Variants in ETV3L observed in about 807,000 individuals in gnomAD.
ETV3L encodes ETS variant transcription factor 3 like.
Under a neutral mutation model 27.6 loss-of-function variants are expected in ETV3L, and 30 were observed. That is an observed-to-expected ratio of 1.09 (90% confidence interval 0.81 to 1.48). The LOEUF is 1.48. ETV3L is among the 40% of genes most tolerant of loss of function. The pLI, the probability that ETV3L is intolerant of heterozygous loss-of-function variation, is 0.00. For synonymous variants in ETV3L, 186 were observed against 188.9 expected (o/e 0.98, Z 0.12); for missense variants, 443 against 455.6 (o/e 0.97, Z 0.25).
At position 157,099,793 on chromosome 1, in the gene ETV3L, C is replaced by T. The variant is rs1674307600; in HGVS notation, c.-270G>A. The T allele has an allele frequency of 3.5e-6, 2 of 578,094 alleles. No individual in the cohort carries two copies. 35.8% of individuals were successfully genotyped at this position (578,094 alleles called of 1,614,324 possible). ...CCCCTCTGGGGACCTCCCCGCTGCC[C>T]AGGGCTGACTCGGACTCAGGGCTTC... On this transcript the variant is annotated 5_prime_UTR_variant, in exon 1 of 5. Transcript: ENST00000454449.
At position 157,092,910 on chromosome 1, in the gene ETV3L, C is replaced by T; in HGVS notation, c.825G>A (p.Arg275=). ...FKPDILLPGP[R]SLPGAWHFPG... ...GAAAATGCCAGGCCCCTGGGAGGCTCCTAGGTCCTGGGAGCAGGATGTCTG... is the reference window on the plus strand; with the variant it reads ...GAAAATGCCAGGCCCCTGGGAGGCTTCTAGGTCCTGGGAGCAGGATGTCTG... The change falls in exon 5 of 5, where the codon AGG becomes AGA. Residue 275 remains arginine, a synonymous_variant. Coordinates refer to ENST00000454449, the MANE Select transcript of ETV3L (RefSeq NM_001004341.2). The T allele has an allele frequency of 6.8e-6, 11 of 1,614,072 alleles. No individual in the cohort carries two copies. The highest frequency in any genetic ancestry group is 9.3e-6 in the Non-Finnish European group (11 of 1,179,958).
Position 157,099,237 on chromosome 1 carries a change from T to C in ETV3L, c.200A>G (p.Glu67Gly). 1 of 1,613,768 alleles carries C rather than the reference T, an allele frequency of 6.2e-7. No individual in the cohort carries two copies. The highest frequency in any genetic ancestry group is 8.5e-7 in the Non-Finnish European group (1 of 1,179,968). ...CTCATCTGGATCCTTGATGACAAAT[T>C]CCCCGTACTCTCCCTGCTGCCAGGC... is the stretch of plus-strand genomic sequence containing the variant. ...VIAWQQGEYG[E>G]FVIKDPDEVA... Residue 67 changes from glutamate (E) to glycine (G), a missense_variant, in exon 2 of 5, where the codon GAA becomes GGA. Transcript: ENST00000454449.
At chr1:157,096,846 G>A (rs182194385) in intron 4 of ETV3L, among the ~76,000 whole-genome samples, 1 of 152,326 alleles carries the variant, frequency 6.6e-6, no homozygotes, top group Admixed American at 6.5e-5. Flanking sequence ...TTGAACCCAG[G>A]AGACGGAGGT....
Position 157,094,911 on chromosome 1 carries a change from C to T in ETV3L, c.608-1784G>A, listed in dbSNP as rs1426964944. 1.0e-3 allele frequency among the ~76,000 whole-genome samples: 19 copies of T among 19,016 alleles called. 1 individual carries two copies. The highest frequency in any genetic ancestry group is 2.8e-3 in the African/African-American group (19 of 6,836). The allele number at this position is 19,016 out of a possible 152,430, so 12.5% of individuals were successfully genotyped here. ...CTGGGCAACAAAAGTGAAACTCTGTCTCAAAAAAAAAAAAAAAAAAAAACC... is the reference window on the plus strand; with the variant it reads ...CTGGGCAACAAAAGTGAAACTCTGTTTCAAAAAAAAAAAAAAAAAAAAACC... On this transcript the variant is annotated intron_variant, in intron 4 of 4. Coordinates refer to ENST00000454449, the MANE Select transcript of ETV3L (RefSeq NM_001004341.2).
In ETV3L at chr1:157,092,586, G is replaced by A. The variant is rs139917761; in HGVS notation, c.*63C>T. 2,421 of 1,392,580 alleles carry A rather than the reference G, an allele frequency of 1.7e-3. 36 individuals carry two copies. In the African/African-American group the frequency reaches 0.03, roughly 17 times the overall value. The allele number at this position is 1,392,580 out of a possible 1,614,324, so 86.3% of individuals were successfully genotyped here. On this transcript the variant is annotated 3_prime_UTR_variant, in exon 5 of 5. Coordinates refer to ENST00000454449, the MANE Select transcript of ETV3L (RefSeq NM_001004341.2). The stretch of plus-strand genomic sequence containing the variant: ...CAGGGGAAGGGGCTAACCCAGAGGC[G>A]GTGGGCAAGAGGAGAGATGGACTTT...
chr1:157,093,306 G>T (rs1674159086), intron 4 of ETV3L, among the ~76,000 whole-genome samples, 179 bp from the exon 5 acceptor site: 2 of 151,868 alleles, frequency 1.3e-5, no homozygotes, highest in Non-Finnish European at 2.9e-5. Flanking sequence ...CACCCAGGCT[G>T]CAGTGTAGGC....
At chr1:157,095,971 A>T (rs1165732354) in intron 4 of ETV3L, among the ~76,000 whole-genome samples, 1 of 152,194 alleles carries the variant, frequency 6.6e-6, no homozygotes, top group African/African-American at 2.4e-5. Flanking sequence ...CCCAGCTCAC[A>T]GCCTCTGTAA....
intron 4 of ETV3L, among the ~76,000 whole-genome samples, chr1:157,095,184 A>G (rs1422791623): frequency 6.6e-6 from 1 of 151,978 alleles, no homozygotes; most frequent in African/African-American, 2.4e-5. Context: ...TGGAAGAGAT[A>G]TTTTTATTTC....
rs770776463 is a variant in ETV3L at position 157,099,390 on chromosome 1, G to C, written c.59-12C>G. 7 of 1,613,966 alleles carry C rather than the reference G, an allele frequency of 4.3e-6. No homozygotes were observed. The highest frequency in any genetic ancestry group is 2.2e-5 in the East Asian group (1 of 44,874). On this transcript the variant is annotated splice_polypyrimidine_tract_variant and intron_variant, in intron 1 of 4. Transcript: ENST00000454449. ...AGGGAAGGCCAACCCTGGGTGGAGA[G>C]GGGAGAGTGAGGGCTCTGGAGGCCC... is the stretch of plus-strand genomic sequence containing the variant.
chr1:157,096,046 C>T (rs1298653545), intron 4 of ETV3L, among the ~76,000 whole-genome samples: 3 of 152,194 alleles, frequency 2.0e-5, no homozygotes, highest in African/African-American at 4.8e-5. Context: ...TCTGCACTGG[C>T]CTTCTCCCAG....
chr1:157,094,410 T>C (rs1301621474), intron 4 of ETV3L, among the ~76,000 whole-genome samples: 1 of 152,244 alleles, frequency 6.6e-6, no homozygotes, highest in Non-Finnish European at 1.5e-5. Context: ...TAATCCTGCC[T>C]CTTTCCCTCT....
chr1:157,098,371 C>T (rs554353117), intron 3 of ETV3L, among the ~76,000 whole-genome samples: 2 of 152,242 alleles, frequency 1.3e-5, no homozygotes, highest in East Asian at 3.9e-4. Flanking sequence ...GCTGGGATTA[C>T]AGGTGTGAGC....
At chr1:157,099,002 C>G in intron 2 of ETV3L, 107 bp from the exon 3 acceptor site, 1 of 1,486,100 alleles carries the variant, frequency 6.7e-7, no homozygotes, top group Non-Finnish European at 9.2e-7. Flanking sequence ...AGCTGTTCCC[C>G]GAGAACCACT....
intron 3 of ETV3L, among the ~76,000 whole-genome samples, chr1:157,098,206 C>T (rs1674270669): frequency 1.3e-5 from 2 of 152,058 alleles, no homozygotes; most frequent in South Asian, 4.1e-4. Flanking sequence ...AAGCGATTCT[C>T]CTGCCTCAGC....
Position 157,097,915 on chromosome 1 carries a change from G to T in ETV3L, c.560C>A (p.Pro187Gln). The change falls in exon 4 of 5, where the codon CCA becomes CAA. Residue 187 changes from proline (P) to glutamine (Q), a missense_variant. Physicochemically the swap from Pro to Gln is moderately conservative, Grantham distance 76 (BLOSUM62 -1). Coordinates refer to ENST00000454449, the MANE Select transcript of ETV3L (RefSeq NM_001004341.2). Reference sequence around the variant, plus strand: ...CTTCTTATCCCCAGAGGTCTCTGGTGGCCCTCGGGGGGTCTGCTGTCCTGT... The same window carrying T: ...CTTCTTATCCCCAGAGGTCTCTGGTTGCCCTCGGGGGGTCTGCTGTCCTGT... The part of the protein sequence containing the change: ...QLTGQQTPRG[P>Q]PETSGDKKGS... The T allele has an allele frequency of 6.2e-7, 1 of 1,613,816 alleles. No individual in the cohort carries two copies. The highest frequency in any genetic ancestry group is 8.5e-7 in the Non-Finnish European group (1 of 1,179,920).
Position 157,099,587 on chromosome 1 carries a change from G to T in ETV3L, c.-64C>A. 6.9e-7 allele frequency: 1 copy of T among 1,445,550 alleles called. No homozygotes were observed. The highest frequency in any genetic ancestry group is 9.5e-7 in the Non-Finnish European group (1 of 1,047,342). The allele number at this position is 1,445,550 out of a possible 1,614,324, so 89.5% of individuals were successfully genotyped here. On this transcript the variant is annotated 5_prime_UTR_variant, in exon 1 of 5. Coordinates refer to ENST00000454449, the MANE Select transcript of ETV3L (RefSeq NM_001004341.2). ...GGAAATGGTCACCACTTAAGAGGAA[G>T]GGAAGGAAGGAGGCAGAGGGGAGGA...
intron 4 of ETV3L, among the ~76,000 whole-genome samples, chr1:157,093,450 C>A (rs1036093122): frequency 1.3e-5 from 2 of 151,616 alleles, no homozygotes; most frequent in Admixed American, 6.6e-5. Flanking sequence ...TGTTGCCAGG[C>A]TTGCCCTTCC....
At chr1:157,099,090 C>T (rs908162279) in intron 2 of ETV3L, 51 bp downstream of exon 2, 189 of 1,605,790 alleles carry the variant, frequency 1.2e-4, no homozygotes, top group Non-Finnish European at 1.6e-4. Flanking sequence ...AAACCACGGC[C>T]CTTTTCCTTG....
intron 2 of ETV3L, 66 bp downstream of exon 2, chr1:157,099,075 A>T: frequency 6.3e-7 from 1 of 1,588,880 alleles, no homozygotes; most frequent in Non-Finnish European, 8.6e-7. Context: ...CAGCAGGGGT[A>T]CCAGAAACCA....
Sources: allele counts gnomAD v4.1 joint callset (sites outside exome capture counted in the v4.1 genomes callset), GRCh38; gene constraint gnomAD v4.1.1; transcripts MANE v1.5; gene names NCBI Gene and HGNC (gene_info 2026-07-23, HGNC 2026-07-21).